The following RLIM variants were observed in gnomAD, a reference collection of about 807,000 sequenced individuals.
RLIM encodes E3 ubiquitin-protein ligase RLIM.
RLIM carries 2 observed loss-of-function variants against 34.0 expected under a neutral mutation model. The ratio of observed to expected loss-of-function variants is 0.06; its 90% CI spans 0.02 to 0.19. RLIM has a LOEUF of 0.19. Among genes scored for constraint, RLIM ranks in the 10% least tolerant of loss-of-function variants. RLIM has a pLI of 1.00. For missense variants in RLIM, 286 were observed against 479.7 expected (o/e 0.60, Z 3.77); for synonymous variants, 169 against 164.0 (o/e 1.03, Z -0.23).
intron 1 of RLIM, among the ~76,000 whole-genome samples, chrX:74,601,458 T>C (rs1179595653): frequency 9.0e-6 from 1 of 111,666 alleles, no homozygotes; most frequent in Non-Finnish European, 1.9e-5. Context: ...TGCAAACATG[T>C]AGAAGACAGT....
chrX:74,595,751 C>T, intron 2 of RLIM, 58 bp downstream of exon 2: 1 of 911,869 alleles, frequency 1.1e-6, no homozygotes, highest in South Asian at 2.8e-5. Flanking sequence ...CAGGTTCAAG[C>T]ATTTTTTTTT....
At chrX:74,613,462 G>C (rs1213567637) in intron 1 of RLIM, among the ~76,000 whole-genome samples, 2 of 110,491 alleles carry the variant, frequency 1.8e-5, no homozygotes, top group African/African-American at 6.6e-5. Flanking sequence ...TGTGGAATAA[G>C]TATGGTGAAA....
intron 1 of RLIM, among the ~76,000 whole-genome samples, chrX:74,602,770 G>A (rs2079666761): frequency 2.7e-5 from 3 of 110,728 alleles, no homozygotes; most frequent in Admixed American, 9.7e-5. Flanking sequence ...AAACACGAGT[G>A]AGAAGCCTGG....
intron 3 of RLIM, 21 bp from the exon 4 acceptor site, chrX:74,593,082 G>A: frequency 1.7e-6 from 2 of 1,170,446 alleles, no homozygotes; most frequent in African/African-American, 1.8e-5. Context: ...CAAAGGAGGG[G>A]GAGAGGGAGA....
rs1931340135 is a variant in RLIM, at chrX:74,585,926, G to A, written c.*5514C>T. On this transcript the variant is annotated 3_prime_UTR_variant, in exon 4 of 4. Transcript: ENST00000332687. ...CAGAACATACATCTATGTGCTTTGT[G>A]ACCAAAGACATAAAGGCAGCCTTTG... The A allele has an allele frequency of 8.9e-6, 1 of 111,987 alleles. No individual in the cohort carries two copies. The highest frequency in any genetic ancestry group is 9.5e-5 in the Admixed American group (1 of 10,509). 9.2% of individuals were successfully genotyped at this position (111,987 alleles called of 1,213,427 possible).
In RLIM at chrX:74,592,184, G is replaced by C. The variant is rs373913141; in HGVS notation, c.1131C>G (p.Thr377=). 26 of 1,209,857 alleles carry C rather than the reference G, an allele frequency of 2.1e-5. No individual in the cohort carries two copies. The highest frequency in any genetic ancestry group is 2.8e-5 in the Non-Finnish European group (25 of 895,000). Reference sequence around the variant, plus strand: ...TGGGAATTCTGATGGTACTGACATAGGTTCTCACACCTGCCCGCTCAGAAC... The same window carrying C: ...TGGGAATTCTGATGGTACTGACATACGTTCTCACACCTGCCCGCTCAGAAC... The part of the protein sequence containing the change: ...FSRSERAGVR[T]YVSTIRIPIR... Residue 377 remains threonine (T), a synonymous_variant, in exon 4 of 4, where the codon ACC becomes ACG. Transcript: ENST00000332687.
chrX:74,606,512 G>A (rs2079682676), intron 1 of RLIM, among the ~76,000 whole-genome samples: 1 of 111,950 alleles, frequency 8.9e-6, no homozygotes, highest in Non-Finnish European at 1.9e-5. Flanking sequence ...TTATGCAAAT[G>A]ACTGTTTCTG....
At position 74,591,247 on chromosome X, in the gene RLIM, C is replaced by T. The variant is rs1046495966; in HGVS notation, c.*193G>A. The T allele has an allele frequency of 1.0e-4, 44 of 420,038 alleles. No individual in the cohort carries two copies. The highest frequency in any genetic ancestry group is 1.3e-4 in the Non-Finnish European group (32 of 244,208). The allele number at this position is 420,038 out of a possible 1,213,427, so 34.6% of individuals were successfully genotyped here. A position where few individuals can be genotyped will look rare whatever the true frequency, so the allele number is the denominator to read the frequency against. On this transcript the variant is annotated 3_prime_UTR_variant, in exon 4 of 4. Transcript: ENST00000332687. ...GAAATCAGATTTTTAGGTCCTATAA[C>T]GTGGCTTTTAAAATATTTCCTTTTA...
At chrX:74,603,038 T>C (rs1456449332) in intron 1 of RLIM, among the ~76,000 whole-genome samples, 1 of 109,485 alleles carries the variant, frequency 9.1e-6, no homozygotes, top group Non-Finnish European at 1.9e-5. Context: ...TCCTGTCTCC[T>C]GAGATAATCA....
At position 74,588,670 on chromosome X, in the gene RLIM, CTGCA is replaced by C. The variant is rs1412174743; in HGVS notation, c.*2766_*2769del. On this transcript the variant is annotated 3_prime_UTR_variant, in exon 4 of 4. Transcript: ENST00000332687. ...ACATTGTTTATCCTTGTTCCTCTTA[CTGCA>C]TGAAGTTCAAACTAGGTCTTAAAGA... 8.9e-6 allele frequency: 1 copy of C among 111,927 alleles called. No individual in the cohort carries two copies. The highest frequency in any genetic ancestry group is 2.8e-4 in the East Asian group (1 of 3,593). The allele number at this position is 111,927 out of a possible 1,213,427, so 9.2% of individuals were successfully genotyped here.
At chrX:74,596,302 G>A (rs1395066225) in intron 1 of RLIM, among the ~76,000 whole-genome samples, 2 of 112,481 alleles carry the variant, frequency 1.8e-5, no homozygotes, top group East Asian at 5.6e-4. Context: ...CTAGAGTGTA[G>A]TGGTGCGATC....
chrX:74,613,166 T>C (rs902645373), intron 1 of RLIM, among the ~76,000 whole-genome samples: 2 of 110,829 alleles, frequency 1.8e-5, no homozygotes, highest in African/African-American at 3.3e-5. Flanking sequence ...GAAGATACAA[T>C]GTACTTAATG....
rs772360939 is a variant in RLIM at position 74,585,131 on chromosome X, G to A, written c.*6309C>T. 8.9e-6 allele frequency: 1 copy of A among 112,140 alleles called. No homozygotes were observed. The highest frequency in any genetic ancestry group is 3.7e-4 in the South Asian group (1 of 2,714). 9.2% of individuals were successfully genotyped at this position (112,140 alleles called of 1,213,427 possible). On this transcript the variant is annotated 3_prime_UTR_variant, in exon 4 of 4. Coordinates refer to ENST00000332687, the MANE Select transcript of RLIM (RefSeq NM_016120.4). Reference sequence around the variant, plus strand: ...ACCTACAAGTTTTTGTATATATACAGGGCAAGCAAGGGAGTGGTCAGAGCA... The same window carrying A: ...ACCTACAAGTTTTTGTATATATACAAGGCAAGCAAGGGAGTGGTCAGAGCA...
At chrX:74,600,860 A>AG (rs1321752929) in intron 1 of RLIM, among the ~76,000 whole-genome samples, 4 of 107,152 alleles carry the variant, frequency 3.7e-5, no homozygotes, top group Non-Finnish European at 7.7e-5. Flanking sequence ...TAAAAAAAAA[A>AG]AAAAAAAAAA....
intron 2 of RLIM, 57 bp downstream of exon 2, chrX:74,595,751 CA>C (rs1292633767): frequency 2.2e-6 from 2 of 910,496 alleles, no homozygotes; most frequent in African/African-American, 4.6e-5. Flanking sequence ...CAGGTTCAAG[CA>C]TTTTTTTTTA....
intron 3 of RLIM, among the ~76,000 whole-genome samples, chrX:74,593,290 A>G (rs1355573940): frequency 8.9e-6 from 1 of 112,613 alleles, no homozygotes; most frequent in Non-Finnish European, 1.9e-5. Context: ...TTTGATTTTT[A>G]AAGGGAATCT....
At chrX:74,611,870 T>C (rs775800023) in intron 1 of RLIM, among the ~76,000 whole-genome samples, 11 of 112,114 alleles carry the variant, frequency 9.8e-5, no homozygotes, top group African/African-American at 3.2e-4. Flanking sequence ...TGAGGCTCTG[T>C]TGTGAGAATT....
Position 74,592,444 on chromosome X carries a change from T to C in RLIM, c.871A>G (p.Thr291Ala), listed in dbSNP as rs1228727905. 2 of 1,211,967 alleles carry C rather than the reference T, an allele frequency of 1.7e-6. No homozygotes were observed. Among genetic ancestry groups the C allele is most frequent in the South Asian group, 3.5e-5 (2 of 56,993 alleles). Residue 291 changes from threonine (T) to alanine (A), a missense_variant, in exon 4 of 4, where the codon ACA becomes GCA. By Grantham distance (58) the Thr-to-Ala change is moderately conservative. Transcript: ENST00000332687. ...LSRGLFAASG[T>A]RNASQGAGSS... ...CCTGCTCCTTGAGAAGCATTTCTTGTTCCAGAAGCTGCAAAAAGACCTCTA... is the reference window on the plus strand; with the variant it reads ...CCTGCTCCTTGAGAAGCATTTCTTGCTCCAGAAGCTGCAAAAAGACCTCTA...
intron 1 of RLIM, among the ~76,000 whole-genome samples, chrX:74,608,582 TAAC>T (rs775471649): frequency 2.7e-5 from 3 of 112,021 alleles, no homozygotes; most frequent in East Asian, 5.6e-4. Context: ...CATGCTACCA[TAAC>T]AATAAGAGAT....
Sources: gnomAD v4.1 joint callset for allele counts (sites outside exome capture counted in the v4.1 genomes callset) on GRCh38, gnomAD v4.1.1 for gene constraint, MANE v1.5 for transcripts, NCBI Gene and HGNC (gene_info 2026-07-23, HGNC 2026-07-21) for gene names.